The following PPP4R3B variants were observed in gnomAD, a reference collection of about 807,000 sequenced individuals.
PPP4R3B encodes the protein serine/threonine-protein phosphatase 4 regulatory subunit 3B.
Under a neutral mutation model 95.4 loss-of-function variants are expected in PPP4R3B, and 52 were observed. The ratio of observed to expected loss-of-function variants is 0.54; its 90% CI spans 0.44 to 0.69. The LOEUF is 0.69. PPP4R3B is among the 30% of genes least tolerant of loss of function. The probability of loss-of-function intolerance (pLI) is 0.00; values close to 1 mark genes in which losing one functional copy is unlikely to be tolerated. For synonymous variants in PPP4R3B, 407 were observed against 343.9 expected (o/e 1.18, Z -2.03); for missense variants, 1,003 against 1,005.9 (o/e 1.00, Z 0.04).
At chr2:55,597,168 A>C (rs956338883) in intron 4 of PPP4R3B, among the ~76,000 whole-genome samples, 3 of 152,092 alleles carry the variant, frequency 2.0e-5, no homozygotes, top group African/African-American at 7.2e-5. Flanking sequence ...AATATACTTA[A>C]TGCCAATGAA....
chr2:55,562,781 C>T (rs539065548), intron 15 of PPP4R3B, among the ~76,000 whole-genome samples: 1 of 152,292 alleles, frequency 6.6e-6, no homozygotes, highest in Admixed American at 6.5e-5. Context: ...GTATCTAGCA[C>T]ATACATCTAA....
chr2:55,603,935 AAAG>A (rs1232082612), intron 3 of PPP4R3B, 40 bp downstream of exon 3: 2 of 1,423,182 alleles, frequency 1.4e-6, no homozygotes, highest in Non-Finnish European at 1.9e-6. Flanking sequence ...AAATTCCAGA[AAAG>A]AAGCAAACAT....
intron 7 of PPP4R3B, among the ~76,000 whole-genome samples, chr2:55,584,063 G>A (rs759690231): frequency 6.6e-6 from 1 of 152,022 alleles, no homozygotes; most frequent in Non-Finnish European, 1.5e-5. Flanking sequence ...CAGTTAGCCA[G>A]GCGTGGTGGC....
At chr2:55,568,140 A>C (rs780938981) in intron 13 of PPP4R3B, 54 bp downstream of exon 13, 19 of 1,215,212 alleles carry the variant, frequency 1.6e-5, no homozygotes, top group Non-Finnish European at 2.0e-5. Flanking sequence ...CTTTTACATA[A>C]AAAATTATTT....
At chr2:55,566,840 A>AT (rs966531035) in intron 13 of PPP4R3B, among the ~76,000 whole-genome samples, 3 of 152,050 alleles carry the variant, frequency 2.0e-5, no homozygotes, top group African/African-American at 7.2e-5. Context: ...GACCCCATAC[A>AT]TAAAAAAAAA....
At chr2:55,557,363 T>A (rs1685990565) in intron 16 of PPP4R3B, among the ~76,000 whole-genome samples, 1 of 152,228 alleles carries the variant, frequency 6.6e-6, no homozygotes, top group Middle Eastern at 3.4e-3. Context: ...GCTAATTTTT[T>A]AATACTTTTT....
intron 11 of PPP4R3B, among the ~76,000 whole-genome samples, chr2:55,576,463 C>T (rs1688680146): frequency 6.6e-6 from 1 of 151,764 alleles, no homozygotes; most frequent in East Asian, 1.9e-4. Context: ...CAAAAACAGG[C>T]CGGGCGCGGT....
At chr2:55,569,135 A>AT (rs1214541306) in intron 12 of PPP4R3B, among the ~76,000 whole-genome samples, 10 of 152,138 alleles carry the variant, frequency 6.6e-5, no homozygotes, top group Non-Finnish European at 1.2e-4. Context: ...CCATGCAGAG[A>AT]TAGGAGCTGA....
intron 16 of PPP4R3B, among the ~76,000 whole-genome samples, chr2:55,551,049 A>AAAAAAC (rs1197739932): frequency 6.6e-6 from 1 of 152,178 alleles, no homozygotes; most frequent in Non-Finnish European, 1.5e-5. Context: ...TTTATGTAAA[A>AAAAAAC]AAAAACAAAA....
intron 15 of PPP4R3B, among the ~76,000 whole-genome samples, chr2:55,562,902 A>G (rs374166268): frequency 2.4e-4 from 37 of 152,340 alleles, no homozygotes; most frequent in African/African-American, 8.4e-4. Flanking sequence ...CTCACAAGTC[A>G]ATATTCCAAA....
chr2:55,556,380 A>G (rs1234454927), intron 16 of PPP4R3B, among the ~76,000 whole-genome samples: 1 of 152,378 alleles, frequency 6.6e-6, no homozygotes, highest in South Asian at 2.1e-4. Context: ...TAAGTAAATT[A>G]TCTGAAAGGA....
At position 55,549,684 on chromosome 2, in the gene PPP4R3B, T is replaced by C; in HGVS notation, c.*227A>G. 1 of 480,008 alleles carries C rather than the reference T, an allele frequency of 2.1e-6. No homozygotes were observed. The highest frequency in any genetic ancestry group is 2.7e-5 in the South Asian group (1 of 36,814). 29.7% of individuals were successfully genotyped at this position (480,008 alleles called of 1,614,324 possible). On this transcript the variant is annotated 3_prime_UTR_variant, in exon 17 of 17. Transcript: ENST00000616407. ...CTCCCAGGTTCTGGTTACTAATGTT[T>C]GTTTTGACAGCCTAAAAGGCAAACC...
intron 15 of PPP4R3B, among the ~76,000 whole-genome samples, chr2:55,562,969 G>C (rs1318019593): frequency 6.6e-6 from 1 of 152,068 alleles, no homozygotes; most frequent in African/African-American, 2.4e-5. Flanking sequence ...TCCTTTTTCT[G>C]TTTGTGTTAT....
At chr2:55,592,089 C>G (rs1166314086) in intron 4 of PPP4R3B, among the ~76,000 whole-genome samples, 1 of 152,170 alleles carries the variant, frequency 6.6e-6, no homozygotes, top group East Asian at 1.9e-4. Flanking sequence ...AAATCAAACT[C>G]TTCTCTTTGC....
chr2:55,602,380 C>A (rs1692739941), intron 3 of PPP4R3B, among the ~76,000 whole-genome samples: 1 of 152,100 alleles, frequency 6.6e-6, no homozygotes, highest in Non-Finnish European at 1.5e-5. Flanking sequence ...AAAGTTTGGC[C>A]CTTATCTAGC....
At chr2:55,585,004 A>T in intron 7 of PPP4R3B, 47 bp downstream of exon 7, 2 of 1,298,904 alleles carry the variant, frequency 1.5e-6, no homozygotes, top group Non-Finnish European at 2.2e-6. Context: ...TGCAAACACT[A>T]CTCACTCTAC....
rs181105977 is a variant in PPP4R3B at position 55,601,571 on chromosome 2, G to A, written c.297+2407C>T. Among the ~76,000 whole-genome samples the A allele has an allele frequency of 5.8e-3, 885 of 152,016 alleles. 2 individuals carry two copies. The highest frequency in any genetic ancestry group is 0.014 in the Middle Eastern group (4 of 294). On this transcript the variant is annotated intron_variant, in intron 3 of 16. Transcript: ENST00000616407. ...AATTTTTTGTATTTTTAGTAGAGAC[G>A]GGGTTTCACTGTGTTAGCCAGGATG...
chr2:55,598,619 C>T lies in PPP4R3B; in HGVS notation c.718G>A (p.Glu240Lys). ...AACTTTGCAGTTTTGGTCAAGAATTCTCTATGTCTTTTTGGCTGAGCCAAA... is the reference window on the plus strand; with the variant it reads ...AACTTTGCAGTTTTGGTCAAGAATTTTCTATGTCTTTTTGGCTGAGCCAAA... ...PALAQPKRHR[E>K]FLTKTAKFKE... The change falls in exon 4 of 17, where the codon GAA becomes AAA. Residue 240 changes from glutamate to lysine, a missense_variant. Physicochemically the swap from Glu to Lys is moderately conservative, Grantham distance 56. Transcript: ENST00000616407. 12 of 1,614,154 alleles carry T rather than the reference C, an allele frequency of 7.4e-6. No homozygotes were observed. The highest frequency in any genetic ancestry group is 1.0e-5 in the Non-Finnish European group (12 of 1,180,034).
chr2:55,555,278 T>TA (rs372423262), intron 16 of PPP4R3B, among the ~76,000 whole-genome samples: 7,152 of 108,814 alleles, frequency 0.066, 275 homozygotes, highest in South Asian at 0.096. Flanking sequence ...AGACTCCGTC[T>TA]AAAAAAAAAA....
Sources: allele counts gnomAD v4.1 joint callset (sites outside exome capture counted in the v4.1 genomes callset), GRCh38; gene constraint gnomAD v4.1.1; transcripts MANE v1.5; gene names NCBI Gene and HGNC (gene_info 2026-07-23, HGNC 2026-07-21).